The following HTR1E variants were observed in gnomAD, a reference collection of about 807,000 sequenced individuals.
HTR1E encodes the protein 5-HT-1E.
A neutral mutation model predicts 3.4 loss-of-function variants in HTR1E; 3 were observed. The ratio of observed to expected loss-of-function variants is 0.89; its 90% CI spans 0.41 to 2.31. The LOEUF (loss-of-function observed/expected upper bound fraction) is 2.31, where lower values mean the gene tolerates loss of function less well. Ranked by LOEUF, HTR1E falls within the 30% of genes most tolerant of loss-of-function variation. The pLI is 0.05. For synonymous variants in HTR1E, 170 were observed against 182.8 expected (o/e 0.93, Z 0.56); for missense variants, 392 against 467.0 (o/e 0.84, Z 1.48).
intron 1 of HTR1E, among the ~76,000 whole-genome samples, chr6:86,999,504 A>G (rs1767988885): frequency 6.6e-6 from 1 of 152,186 alleles, no homozygotes; most frequent in South Asian, 2.1e-4. Context: ...GCAAGGAACA[A>G]TCCTAAACAT....
chr6:87,012,511 A>G (rs1174242738), intron 1 of HTR1E, among the ~76,000 whole-genome samples: 7 of 152,234 alleles, frequency 4.6e-5, no homozygotes, highest in African/African-American at 9.7e-5. Flanking sequence ...CAGTTTACCC[A>G]TGAAACAAAT....
chr6:87,011,632 A>T (rs1274099801), intron 1 of HTR1E, among the ~76,000 whole-genome samples: 1 of 152,198 alleles, frequency 6.6e-6, no homozygotes, highest in Non-Finnish European at 1.5e-5. Flanking sequence ...TGTCAACAAG[A>T]AATGTTACAT....
At chr6:86,977,933 T>C (rs374975473) in intron 1 of HTR1E, among the ~76,000 whole-genome samples, 4 of 152,198 alleles carry the variant, frequency 2.6e-5, no homozygotes, top group Middle Eastern at 3.2e-3. Context: ...CTTGATTTGC[T>C]TAAATTCCTT....
chr6:86,952,712 T>C (rs1414091211), intron 1 of HTR1E, among the ~76,000 whole-genome samples: 1 of 152,172 alleles, frequency 6.6e-6, no homozygotes, highest in Non-Finnish European at 1.5e-5. Flanking sequence ...GAATAGTCCA[T>C]CTTTTCTGTA....
At chr6:86,939,915 C>A (rs1768521690) in intron 1 of HTR1E, among the ~76,000 whole-genome samples, 1 of 152,160 alleles carries the variant, frequency 6.6e-6, no homozygotes, top group Non-Finnish European at 1.5e-5. Context: ...GGTGTCTATA[C>A]AAAATATTTG....
chr6:86,985,607 G>A (rs921788954), intron 1 of HTR1E, among the ~76,000 whole-genome samples: 1 of 152,126 alleles, frequency 6.6e-6, no homozygotes, highest in African/African-American at 2.4e-5. Context: ...AACTAGGATA[G>A]CGCTAGTCAG....
chr6:86,993,658 G>C (rs1037192910), intron 1 of HTR1E, among the ~76,000 whole-genome samples: 1 of 151,686 alleles, frequency 6.6e-6, no homozygotes, highest in African/African-American at 2.4e-5. Flanking sequence ...CAATCATCCA[G>C]CACTCCTCTT....
At chr6:87,013,676 G>A (rs1378142954) in intron 1 of HTR1E, among the ~76,000 whole-genome samples, 1 of 151,418 alleles carries the variant, frequency 6.6e-6, no homozygotes, top group Non-Finnish European at 1.5e-5. Context: ...GTAAAAAAAA[G>A]CCTTTTTATA....
rs562771040 is a variant in HTR1E, at chr6:86,943,855, A to T, written c.-186+6032A>T. ...TAATGGCTTAAAGCAACAGATTTTT[A>T]TTATCTCTATGATCATAGTTCCATG... On this transcript the variant is annotated intron_variant, in intron 1 of 1. Coordinates refer to ENST00000305344, the MANE Select transcript of HTR1E (RefSeq NM_000865.3). Among the ~76,000 whole-genome samples, 3 of 152,314 alleles carry T rather than the reference A, an allele frequency of 2.0e-5. 1 individual carries two copies. The South Asian group carries it at 6.2e-4, about 32-fold the overall frequency.
At chr6:86,947,915 T>C (rs1582255861) in intron 1 of HTR1E, among the ~76,000 whole-genome samples, 1 of 152,338 alleles carries the variant, frequency 6.6e-6, no homozygotes, top group Non-Finnish European at 1.5e-5. Flanking sequence ...ACGCAGAATG[T>C]GCAGGTTTGT....
chr6:86,983,161 A>G lies in HTR1E; in HGVS notation c.-185-31989A>G, dbSNP rs147039383. Among the ~76,000 whole-genome samples the G allele has an allele frequency of 4.6e-3, 701 of 152,326 alleles. 6 individuals are homozygous for G. The highest frequency in any genetic ancestry group is 0.016 in the African/African-American group (667 of 41,584). ...TAACTTGAGCCATTTACAATTTGTA[A>G]CACAGAGAATCATTTTTCAGATCTA... On this transcript the variant is annotated intron_variant, in intron 1 of 1. Coordinates refer to ENST00000305344, the MANE Select transcript of HTR1E (RefSeq NM_000865.3).
intron 1 of HTR1E, among the ~76,000 whole-genome samples, chr6:86,995,665 C>CAAAAAAAAAAAAAAAAAAA (rs60134206): frequency 5.5e-4 from 20 of 36,672 alleles, no homozygotes; most frequent in South Asian, 1.3e-3. Flanking sequence ...GACTCCATCT[C>CAAAAAAAAAAAAAAAAAAA]AAAAAAAAAA....
At chr6:87,013,954 G>A (rs189218680) in intron 1 of HTR1E, among the ~76,000 whole-genome samples, 47 of 152,030 alleles carry the variant, frequency 3.1e-4, no homozygotes, top group Admixed American at 2.1e-3. Context: ...ACCATTTCAC[G>A]CCAGTTAGAA....
At chr6:87,010,792 C>T (rs1417100964) in intron 1 of HTR1E, among the ~76,000 whole-genome samples, 1 of 151,666 alleles carries the variant, frequency 6.6e-6, no homozygotes, top group Non-Finnish European at 1.5e-5. Flanking sequence ...GAGGCCAAGG[C>T]AGGCGGCTGC....
intron 1 of HTR1E, among the ~76,000 whole-genome samples, chr6:87,010,814 G>C (rs575778901): frequency 4.0e-5 from 6 of 151,758 alleles, no homozygotes; most frequent in Admixed American, 2.6e-4. Flanking sequence ...CCTTGCCCTC[G>C]GGCCCCGCGG....
intron 1 of HTR1E, among the ~76,000 whole-genome samples, chr6:87,010,094 T>C: frequency 7.7e-6 from 1 of 129,324 alleles, no homozygotes; most frequent in African/African-American, 3.1e-5. Flanking sequence ...ACGGGGTGGC[T>C]GGCCGGGCTG....
chr6:87,001,569 C>T (rs1457429431), intron 1 of HTR1E, among the ~76,000 whole-genome samples: 1 of 152,160 alleles, frequency 6.6e-6, no homozygotes, highest in Non-Finnish European at 1.5e-5. Flanking sequence ...TCAAATCCAT[C>T]TCTCTGACTG....
chr6:86,989,783 G>T (rs1165116831), intron 1 of HTR1E, among the ~76,000 whole-genome samples: 2 of 152,148 alleles, frequency 1.3e-5, no homozygotes, highest in Admixed American at 1.3e-4. Context: ...GTCTTTTTCA[G>T]AGTCACACAA....
At chr6:86,980,978 T>C (rs952261256) in intron 1 of HTR1E, among the ~76,000 whole-genome samples, 23 of 152,312 alleles carry the variant, frequency 1.5e-4, no homozygotes, top group African/African-American at 5.0e-4. Context: ...ATCATGTCTG[T>C]GTCTTTTCAG....
Sources: gnomAD v4.1 joint callset for allele counts (sites outside exome capture counted in the v4.1 genomes callset) on GRCh38, gnomAD v4.1.1 for gene constraint, MANE v1.5 for transcripts, NCBI Gene and HGNC (gene_info 2026-07-23, HGNC 2026-07-21) for gene names.